RAPGEF4: variants seen among roughly 807,000 people sequenced by gnomAD.
RAPGEF4 encodes the protein RAP guanine-nucleotide-exchange factor (GEF) 4.
Under a neutral mutation model 147.9 loss-of-function variants are expected in RAPGEF4, and 66 were observed. The observed-to-expected ratio is 0.45, with a 90% CI of 0.37 to 0.55. RAPGEF4 has a LOEUF of 0.55. Ranked by LOEUF, RAPGEF4 falls within the 20% of genes least tolerant of loss-of-function variation. RAPGEF4 has a pLI of 0.00. For missense variants in RAPGEF4, 1,071 were observed against 1,257.3 expected, an observed-to-expected ratio of 0.85 and a Z score of 2.24; for synonymous variants, 419 against 442.7, an observed-to-expected ratio of 0.95 and a Z score of 0.67.
intron 12 of RAPGEF4, among the ~76,000 whole-genome samples, chr2:172,985,868 C>T (rs908215991): frequency 1.3e-5 from 2 of 152,158 alleles, no homozygotes; most frequent in South Asian, 2.1e-4. Flanking sequence ...AAGAACTAAT[C>T]GATCTCTTGA....
chr2:173,046,991 C>G (rs775023332), intron 29 of RAPGEF4, among the ~76,000 whole-genome samples: 1 of 152,168 alleles, frequency 6.6e-6, no homozygotes, highest in Non-Finnish European at 1.5e-5. Context: ...AGCCAAGGGT[C>G]CGTGAGAGAA....
intron 13 of RAPGEF4, 137 bp from the exon 14 acceptor site, chr2:172,988,556 G>A (rs1013295512): frequency 1.8e-6 from 2 of 1,139,438 alleles, no homozygotes; most frequent in Non-Finnish European, 2.5e-6. Context: ...ATGTAATTAT[G>A]TAATCCCCTT....
chr2:172,887,193 C>CAAAAAAAA (rs534302995), intron 4 of RAPGEF4, among the ~76,000 whole-genome samples: 1 of 53,224 alleles, frequency 1.9e-5, no homozygotes, highest in Non-Finnish European at 3.9e-5. Flanking sequence ...GACTCCGTCT[C>CAAAAAAAA]AAAAAAAAAA....
At chr2:173,027,350 G>C (rs1326004780) in intron 25 of RAPGEF4, 91 bp downstream of exon 25, 2 of 1,129,056 alleles carry the variant, frequency 1.8e-6, no homozygotes, top group Non-Finnish European at 2.4e-6. Context: ...AGAAAAGCAG[G>C]ATCTAGGAAC....
chr2:173,007,894 A>G lies in RAPGEF4; in HGVS notation c.1658+6550A>G, dbSNP rs186413699. ...GTTTAAGACCTGTGTCCTATAAGCTATATTACTCAGCAATTATGCTTAACC... is the reference window on the plus strand; with the variant it reads ...GTTTAAGACCTGTGTCCTATAAGCTGTATTACTCAGCAATTATGCTTAACC... On this transcript the variant is annotated intron_variant, in intron 17 of 30. Coordinates refer to ENST00000397081, the MANE Select transcript of RAPGEF4 (RefSeq NM_007023.4). Among the ~76,000 whole-genome samples, 59 of 152,340 alleles carry G rather than the reference A, an allele frequency of 3.9e-4. No individual in the cohort carries two copies. In the East Asian group the frequency reaches 8.5e-3, roughly 22 times the overall value.
intron 17 of RAPGEF4, among the ~76,000 whole-genome samples, chr2:173,002,008 A>AAAAAAAAAAAAAAAAAAAAAAAAAC: frequency 6.6e-6 from 1 of 150,812 alleles, no homozygotes; most frequent in Admixed American, 6.6e-5. Flanking sequence ...AAAAAAAAAA[A>AAAAAAAAAAAAAAAAAAAAAAAAAC]AAAAAAATCC....
chr2:172,987,362 T>C (rs1010708010), intron 12 of RAPGEF4, among the ~76,000 whole-genome samples: 1 of 152,170 alleles, frequency 6.6e-6, no homozygotes, highest in Non-Finnish European at 1.5e-5. Context: ...TGTACCCTCA[T>C]TTATCCCATT....
At chr2:173,041,874 C>T (rs1266969824) in intron 29 of RAPGEF4, among the ~76,000 whole-genome samples, 37 of 151,908 alleles carry the variant, frequency 2.4e-4, no homozygotes, top group Non-Finnish European at 1.5e-4. Flanking sequence ...GTCAGTCAGG[C>T]CTCAGCTCAC....
At chr2:172,950,814 A>G (rs1029427971) in intron 6 of RAPGEF4, among the ~76,000 whole-genome samples, 2 of 152,368 alleles carry the variant, frequency 1.3e-5, no homozygotes, top group African/African-American at 2.4e-5. Flanking sequence ...GATAACATAA[A>G]TGTTGTTAGA....
intron 17 of RAPGEF4, among the ~76,000 whole-genome samples, chr2:173,009,725 C>T (rs924612813): frequency 6.6e-6 from 1 of 152,140 alleles, no homozygotes; most frequent in African/African-American, 2.4e-5. Context: ...GCAGTGAGCC[C>T]CTGCTTTCCT....
chr2:172,819,378 GAGATAAA>G (rs887547855), intron 4 of RAPGEF4, among the ~76,000 whole-genome samples: 1 of 150,582 alleles, frequency 6.6e-6, no homozygotes, highest in Non-Finnish European at 1.5e-5. Flanking sequence ...GAGATGGGGA[GAGATAAA>G]TATTGGAGAC....
chr2:172,787,588 A>G (rs1038612661), intron 1 of RAPGEF4, among the ~76,000 whole-genome samples: 2 of 126,452 alleles, frequency 1.6e-5, no homozygotes, highest in Non-Finnish European at 3.5e-5. Flanking sequence ...TTGGGCTGCT[A>G]AAACAAAGTG....
At chr2:172,804,170 A>G (rs1157288855) in intron 3 of RAPGEF4, among the ~76,000 whole-genome samples, 2 of 152,172 alleles carry the variant, frequency 1.3e-5, no homozygotes, top group African/African-American at 4.8e-5. Context: ...AGAAAGATAT[A>G]TCTGTATATA....
Position 173,019,576 on chromosome 2 carries a change from C to T in RAPGEF4, c.2155+774C>T, listed in dbSNP as rs117637175. ...CAGTCATGATTTGACAGCCATTTGG[C>T]GGAATCCTTCAGGAACAGGTGAGCC... is the stretch of plus-strand genomic sequence containing the variant. On this transcript the variant is annotated intron_variant, in intron 22 of 30. Transcript: ENST00000397081. Among the ~76,000 whole-genome samples the T allele has an allele frequency of 3.9e-4, 60 of 152,302 alleles. No homozygotes were observed. The East Asian group carries it at 7.1e-3, about 18-fold the overall frequency.
At chr2:172,965,955 T>C (rs1689794683) in intron 9 of RAPGEF4, among the ~76,000 whole-genome samples, 1 of 152,232 alleles carries the variant, frequency 6.6e-6, no homozygotes. Context: ...GTTTATTAGT[T>C]TGCATTCACG....
chr2:172,809,916 T>G (rs1377210732), intron 3 of RAPGEF4, among the ~76,000 whole-genome samples: 2 of 152,106 alleles, frequency 1.3e-5, no homozygotes, highest in Non-Finnish European at 2.9e-5. Context: ...CTAAGGAGGA[T>G]CAAGTGGATC....
intron 4 of RAPGEF4, among the ~76,000 whole-genome samples, chr2:172,850,597 C>G (rs530168821): frequency 6.6e-6 from 1 of 150,796 alleles, no homozygotes; most frequent in African/African-American, 2.4e-5. Flanking sequence ...CAGCCTGGGC[C>G]ACAGAGCGAG....
intron 29 of RAPGEF4, chr2:173,048,310 G>T: frequency 2.5e-6 from 1 of 403,044 alleles, no homozygotes; most frequent in South Asian, 4.1e-5. Context: ...AAGCACTAAT[G>T]TACAGTCTCA....
At chr2:172,915,631 A>C (rs1683982017) in intron 4 of RAPGEF4, among the ~76,000 whole-genome samples, 1 of 148,216 alleles carries the variant, frequency 6.7e-6, no homozygotes, top group South Asian at 2.2e-4. Context: ...TTGAACTGGG[A>C]AGGCAGAGGT....
Sources: allele counts gnomAD v4.1 joint callset (sites outside exome capture counted in the v4.1 genomes callset), GRCh38; gene constraint gnomAD v4.1.1; transcripts MANE v1.5; gene names NCBI Gene and HGNC (gene_info 2026-07-23, HGNC 2026-07-21).